The following GRM8 variants were observed in gnomAD, a reference collection of about 807,000 sequenced individuals.
GRM8 encodes glutamate metabotropic receptor 8, also known as metabotropic glutamate receptor 8.
In GRM8, 47 loss-of-function variants were observed where a neutral mutation model predicts 87.2. That is an observed-to-expected ratio of 0.54 (90% CI 0.43 to 0.69). The LOEUF (loss-of-function observed/expected upper bound fraction) is 0.69, where lower values mean the gene tolerates loss of function less well. Among genes scored for constraint, GRM8 ranks in the 30% least tolerant of loss-of-function variants. GRM8 has a pLI of 0.00. For synonymous variants in GRM8, 396 were observed against 404.5 expected (o/e 0.98, Z 0.25); for missense variants, 1,019 against 1,139.2 (o/e 0.89, Z 1.52).
At chr7:126,809,284 A>G (rs1288604778) in intron 6 of GRM8, among the ~76,000 whole-genome samples, 2 of 152,206 alleles carry the variant, frequency 1.3e-5, no homozygotes, top group Non-Finnish European at 2.9e-5. Flanking sequence ...CCCCCTTGAC[A>G]TATAGGATGA....
chr7:127,018,108 C>G (rs1815870577), intron 3 of GRM8, among the ~76,000 whole-genome samples: 2 of 151,914 alleles, frequency 1.3e-5, no homozygotes, highest in Non-Finnish European at 2.9e-5. Flanking sequence ...ACAAATAACA[C>G]ACACATACAC....
chr7:127,140,032 AT>A (rs1227094358), intron 2 of GRM8, among the ~76,000 whole-genome samples: 6 of 152,098 alleles, frequency 3.9e-5, no homozygotes, highest in Non-Finnish European at 7.4e-5. Context: ...TGCCTAGGCT[AT>A]TTACTCTCTA....
At chr7:126,695,484 G>T (rs550825578) in intron 7 of GRM8, among the ~76,000 whole-genome samples, 3 of 152,168 alleles carry the variant, frequency 2.0e-5, no homozygotes, top group South Asian at 4.2e-4. Context: ...ACATCAAGAA[G>T]AATTCCTGGA....
At chr7:127,205,598 T>G (rs1043818005) in intron 2 of GRM8, among the ~76,000 whole-genome samples, 2 of 152,088 alleles carry the variant, frequency 1.3e-5, no homozygotes, top group Admixed American at 6.6e-5. Flanking sequence ...CCACCACTGT[T>G]CGCCACTCTC....
intron 7 of GRM8, among the ~76,000 whole-genome samples, chr7:126,742,231 A>T (rs1815090863): frequency 6.6e-6 from 1 of 152,100 alleles, no homozygotes; most frequent in African/African-American, 2.4e-5. Context: ...TGCAGTAATT[A>T]AATTAAAATA....
At chr7:126,853,246 T>C (rs1797379032) in intron 6 of GRM8, among the ~76,000 whole-genome samples, 1 of 152,234 alleles carries the variant, frequency 6.6e-6, no homozygotes, top group Non-Finnish European at 1.5e-5. Flanking sequence ...TCTGCTTTTC[T>C]CTGCATCATC....
rs150124089 is a variant in GRM8 at position 126,762,221 on chromosome 7, A to G, written c.1357+7644T>C. Among the ~76,000 whole-genome samples the G allele has an allele frequency of 4.9e-3, 750 of 152,336 alleles. 7 individuals are homozygous for G. The highest frequency in any genetic ancestry group is 0.037 in the South Asian group (179 of 4,832). ...GAACATAAACTAAAGAAAGACAATA[A>G]GAACACTGATAGGCATCTATTTTTT... is the stretch of plus-strand genomic sequence containing the variant. On this transcript the variant is annotated intron_variant, in intron 7 of 10. Transcript: ENST00000339582.
intron 6 of GRM8, among the ~76,000 whole-genome samples, chr7:126,891,514 C>G (rs1801005823): frequency 6.6e-6 from 1 of 152,028 alleles, no homozygotes; most frequent in South Asian, 2.1e-4. Context: ...TGTCCCTTGC[C>G]TAGGTCTCTA....
intron 9 of GRM8, among the ~76,000 whole-genome samples, chr7:126,473,861 C>T (rs1361279209): frequency 2.6e-5 from 4 of 151,970 alleles, no homozygotes; most frequent in African/African-American, 4.8e-5. Flanking sequence ...GGACAGTTAC[C>T]CTGAACACAC....
intron 6 of GRM8, among the ~76,000 whole-genome samples, chr7:126,878,255 A>T (rs539165835): frequency 6.6e-6 from 1 of 152,310 alleles, no homozygotes; most frequent in East Asian, 1.9e-4. Flanking sequence ...TGACAGCCAT[A>T]CTTGATTTCC....
intron 7 of GRM8, among the ~76,000 whole-genome samples, chr7:126,678,297 G>A (rs575049447): frequency 1.3e-5 from 2 of 152,210 alleles, no homozygotes; most frequent in South Asian, 4.1e-4. Flanking sequence ...TTTAATAGTT[G>A]ATAAGTAGAT....
At chr7:126,666,679 C>G (rs1226138214) in intron 7 of GRM8, among the ~76,000 whole-genome samples, 1 of 151,556 alleles carries the variant, frequency 6.6e-6, no homozygotes, top group Non-Finnish European at 1.5e-5. Context: ...TAAATTCTAA[C>G]AGTGATTTAA....
intron 2 of GRM8, among the ~76,000 whole-genome samples, chr7:127,202,537 A>G (rs1164920425): frequency 1.3e-5 from 2 of 152,190 alleles, no homozygotes; most frequent in African/African-American, 2.4e-5. Context: ...AATAGCTACC[A>G]TCTATTGAAT....
At chr7:127,080,418 T>C (rs1822731505) in intron 3 of GRM8, among the ~76,000 whole-genome samples, 1 of 152,216 alleles carries the variant, frequency 6.6e-6, no homozygotes, top group Non-Finnish European at 1.5e-5. Flanking sequence ...AGCCACTAGA[T>C]TTGTGGTCAT....
chr7:126,821,381 C>T (rs769558866), intron 6 of GRM8, among the ~76,000 whole-genome samples: 2 of 152,158 alleles, frequency 1.3e-5, no homozygotes, highest in African/African-American at 2.4e-5. Context: ...CTACCATTAC[C>T]GCTGTGTGAT....
At chr7:127,162,879 T>C (rs1212886436) in intron 2 of GRM8, among the ~76,000 whole-genome samples, 1 of 152,172 alleles carries the variant, frequency 6.6e-6, no homozygotes, top group Non-Finnish European at 1.5e-5. Flanking sequence ...TGGATGAAAA[T>C]AAGAATGCCT....
intron 8 of GRM8, among the ~76,000 whole-genome samples, chr7:126,539,308 A>C (rs1167390001): frequency 1.3e-5 from 2 of 152,088 alleles, no homozygotes; most frequent in Non-Finnish European, 2.9e-5. Flanking sequence ...ATAGTTGAAA[A>C]GAAATCCTGT....
At chr7:126,664,815 C>T (rs1477934452) in intron 7 of GRM8, among the ~76,000 whole-genome samples, 2 of 151,966 alleles carry the variant, frequency 1.3e-5, no homozygotes, top group African/African-American at 2.4e-5. Context: ...GCAAAAGAAA[C>T]TATCAAACTG....
intron 7 of GRM8, among the ~76,000 whole-genome samples, chr7:126,734,562 T>G (rs1813982757): frequency 6.6e-6 from 1 of 151,452 alleles, no homozygotes; most frequent in South Asian, 2.1e-4. Context: ...ATTTGATGAG[T>G]TTTTTGAGAA....
Sources: gnomAD v4.1 joint callset for allele counts (sites outside exome capture counted in the v4.1 genomes callset) on GRCh38, gnomAD v4.1.1 for gene constraint, MANE v1.5 for transcripts, NCBI Gene and HGNC (gene_info 2026-07-23, HGNC 2026-07-21) for gene names.